SEMA6D: variants seen among roughly 807,000 people sequenced by gnomAD.
The protein encoded by SEMA6D is semaphorin 6D, also known as semaphorin-6D.
Under a neutral mutation model 106.6 loss-of-function variants are expected in SEMA6D, and 35 were observed. That is an observed-to-expected ratio of 0.33 (90% CI 0.25 to 0.44). The LOEUF is 0.44. SEMA6D is among the 20% of genes least tolerant of loss of function. SEMA6D has a pLI of 1.00. For synonymous variants in SEMA6D, 499 were observed against 487.7 expected, an observed-to-expected ratio of 1.02 and a Z score of -0.31; for missense variants, 1,185 against 1,345.9, an observed-to-expected ratio of 0.88 and a Z score of 1.87.
At chr15:47,753,607 G>C (rs1241961268) in intron 1 of SEMA6D, among the ~76,000 whole-genome samples, 1 of 152,210 alleles carries the variant, frequency 6.6e-6, no homozygotes, top group Non-Finnish European at 1.5e-5. Flanking sequence ...TAAGAGGTTA[G>C]CATCAGAGCA....
At chr15:47,243,456 C>A (rs62013997) in intron 1 of SEMA6D, among the ~76,000 whole-genome samples, 1,763 of 150,434 alleles carry the variant, frequency 0.012, 33 homozygotes, top group Admixed American at 0.012. Context: ...ATGATTTAAT[C>A]GGAACCCAGC....
At chr15:47,568,782 T>C (rs1350949035) in intron 3 of SEMA6D, among the ~76,000 whole-genome samples, 1 of 152,166 alleles carries the variant, frequency 6.6e-6, no homozygotes, top group East Asian at 1.9e-4. Context: ...TAAGAATTAG[T>C]GTATCTATTT....
chr15:47,550,409 A>G (rs2045650204), intron 3 of SEMA6D, among the ~76,000 whole-genome samples: 1 of 152,212 alleles, frequency 6.6e-6, no homozygotes, highest in African/African-American at 2.4e-5. Context: ...CTATTAAATG[A>G]CAAATGGCAC....
chr15:47,309,013 T>G (rs533988191), intron 1 of SEMA6D, among the ~76,000 whole-genome samples: 3 of 152,324 alleles, frequency 2.0e-5, no homozygotes, highest in African/African-American at 7.2e-5. Flanking sequence ...GCGCCTCCAT[T>G]ACTGTAAGAT....
chr15:47,272,363 AG>A (rs1225514252), intron 1 of SEMA6D, among the ~76,000 whole-genome samples: 3 of 152,190 alleles, frequency 2.0e-5, no homozygotes, highest in Non-Finnish European at 4.4e-5. Context: ...TGCAATTTAA[AG>A]GGTTGCAAAA....
At chr15:47,217,089 C>A (rs2030690139) in intron 1 of SEMA6D, among the ~76,000 whole-genome samples, 1 of 152,174 alleles carries the variant, frequency 6.6e-6, no homozygotes, top group Admixed American at 6.6e-5. Context: ...AGACCTGAAT[C>A]TGCCTGGACC....
chr15:47,348,727 C>CCACACACAGAGAG (rs1555425939), intron 1 of SEMA6D, among the ~76,000 whole-genome samples: 1 of 57,054 alleles, frequency 1.8e-5, no homozygotes, highest in African/African-American at 5.0e-5. Context: ...ACCACACACA[C>CCACACACAGAGAG]AGAGAGAGAG....
chr15:47,593,146 T>G (rs1367353077), intron 3 of SEMA6D, among the ~76,000 whole-genome samples: 12 of 152,120 alleles, frequency 7.9e-5, no homozygotes, highest in Admixed American at 5.9e-4. Context: ...GGCTCACACC[T>G]ATAATCCCAG....
intron 1 of SEMA6D, among the ~76,000 whole-genome samples, chr15:47,255,222 T>C: frequency 6.6e-6 from 1 of 152,126 alleles, no homozygotes; most frequent in African/African-American, 2.4e-5. Context: ...TTTTCCAATT[T>C]GTTGGTATAC....
chr15:47,329,564 A>T (rs533778149), intron 1 of SEMA6D, among the ~76,000 whole-genome samples: 1 of 152,340 alleles, frequency 6.6e-6, no homozygotes, highest in Admixed American at 6.5e-5. Context: ...AATAATTGCA[A>T]TATAACAAAG....
At chr15:47,367,713 C>T (rs1567031193) in intron 1 of SEMA6D, among the ~76,000 whole-genome samples, 1 of 145,468 alleles carries the variant, frequency 6.9e-6, no homozygotes, top group East Asian at 1.9e-4. Flanking sequence ...CACACACACA[C>T]ACACACACAC....
At chr15:47,353,273 A>C (rs941680621) in intron 1 of SEMA6D, among the ~76,000 whole-genome samples, 1 of 152,136 alleles carries the variant, frequency 6.6e-6, no homozygotes, top group Admixed American at 6.6e-5. Flanking sequence ...TTAGAACTGC[A>C]TTCTATTTAG....
At chr15:47,492,449 G>A (rs2043503613) in intron 3 of SEMA6D, among the ~76,000 whole-genome samples, 1 of 152,090 alleles carries the variant, frequency 6.6e-6, no homozygotes. Context: ...TGTACAAATT[G>A]CTTGTCCCAG....
intron 1 of SEMA6D, among the ~76,000 whole-genome samples, chr15:47,202,225 T>TA (rs1223940783): frequency 6.6e-6 from 1 of 151,960 alleles, no homozygotes; most frequent in Non-Finnish European, 1.5e-5. Context: ...GGGAAGTTGT[T>TA]ACACTGCGTC....
chr15:47,511,902 GCC>G (rs1382743907), intron 3 of SEMA6D, among the ~76,000 whole-genome samples: 1 of 152,148 alleles, frequency 6.6e-6, no homozygotes, highest in South Asian at 2.1e-4. Flanking sequence ...TTAGGATTTT[GCC>G]ACCTCTCCTG....
At chr15:47,705,074 T>A (rs1324723743) in intron 4 of SEMA6D, among the ~76,000 whole-genome samples, 1 of 152,170 alleles carries the variant, frequency 6.6e-6, no homozygotes, top group African/African-American at 2.4e-5. Flanking sequence ...TCCTAAGCAC[T>A]CGGGATAAAT....
chr15:47,338,130 A>G (rs2037648044), intron 1 of SEMA6D, among the ~76,000 whole-genome samples: 1 of 152,344 alleles, frequency 6.6e-6, no homozygotes, highest in East Asian at 1.9e-4. Context: ...CCTACAATCT[A>G]GACTGACACA....
At chr15:47,409,903 G>T (rs567323038) in intron 1 of SEMA6D, among the ~76,000 whole-genome samples, 2 of 152,058 alleles carry the variant, frequency 1.3e-5, no homozygotes, top group Non-Finnish European at 2.9e-5. Context: ...GGGTTGTGGG[G>T]GGGGTGGGGA....
chr15:47,730,883 A>G, intron 1 of SEMA6D: 3 of 1,041,794 alleles, frequency 2.9e-6, no homozygotes, highest in Non-Finnish European at 4.4e-6. Context: ...CTTCTTCACG[A>G]CTGCAGGGGC....
Sources: allele counts gnomAD v4.1 joint callset (sites outside exome capture counted in the v4.1 genomes callset), GRCh38; gene constraint gnomAD v4.1.1; transcripts MANE v1.5; gene names NCBI Gene and HGNC (gene_info 2026-07-23, HGNC 2026-07-21).